The following CSNK2A2IP variants were observed in gnomAD, a reference collection of about 807,000 sequenced individuals.
The protein encoded by CSNK2A2IP is casein kinase 2 subunit alpha' interacting protein.
the CSNK2A2IP span, among the ~76,000 whole-genome samples, chr3:88,428,186 G>A: frequency 6.6e-6 from 1 of 152,130 alleles, no homozygotes; most frequent in African/African-American, 2.4e-5. Context: ...ACTTGCATGG[G>A]TCCTATAGCC....
the CSNK2A2IP span, among the ~76,000 whole-genome samples, chr3:88,394,140 T>G: frequency 4.6e-5 from 7 of 152,310 alleles, no homozygotes; most frequent in Admixed American, 3.9e-4. Context: ...AAACTGTGTA[T>G]AAAGACAAGT....
the CSNK2A2IP span, among the ~76,000 whole-genome samples, chr3:88,359,349 T>C: frequency 3.1e-5 from 2 of 63,660 alleles, no homozygotes; most frequent in African/African-American, 5.9e-5. Context: ...ATCTTTTGTA[T>C]TTTTTTGGTT....
chr3:88,439,812 T>TA, the CSNK2A2IP span, among the ~76,000 whole-genome samples: 5 of 151,962 alleles, frequency 3.3e-5, no homozygotes, highest in Non-Finnish European at 7.4e-5. Flanking sequence ...TTCAGTACTT[T>TA]AAAAAATTTT....
chr3:88,392,449 T>C, the CSNK2A2IP span, among the ~76,000 whole-genome samples: 7 of 152,046 alleles, frequency 4.6e-5, no homozygotes, highest in Non-Finnish European at 8.8e-5. Context: ...GAGAAATTCA[T>C]TGATGGAAAA....
chr3:88,418,061 CA>C, the CSNK2A2IP span, among the ~76,000 whole-genome samples: 1 of 152,026 alleles, frequency 6.6e-6, no homozygotes, highest in Non-Finnish European at 1.5e-5. Context: ...TATGTCTGAA[CA>C]TTATGAGGAA....
At chr3:88,407,479 G>A in the CSNK2A2IP span, among the ~76,000 whole-genome samples, 4 of 151,968 alleles carry the variant, frequency 2.6e-5, no homozygotes, top group Non-Finnish European at 5.9e-5. Context: ...GCTTCTTGGC[G>A]GCATATGTAG....
the CSNK2A2IP span, among the ~76,000 whole-genome samples, chr3:88,376,540 T>C: frequency 2.0e-5 from 3 of 151,976 alleles, no homozygotes; most frequent in East Asian, 5.8e-4. Context: ...CCATGTATTC[T>C]TATTTCATTA....
chr3:88,344,806 C>A, the CSNK2A2IP span, among the ~76,000 whole-genome samples: 607 of 151,914 alleles, frequency 4.0e-3, 1 homozygote, highest in Non-Finnish European at 5.6e-3. Flanking sequence ...TATTTAGTAC[C>A]TTAAACACCC....
chr3:88,464,989 A>T, the CSNK2A2IP span: 1 of 164,002 alleles, frequency 6.1e-6, no homozygotes, highest in Non-Finnish European at 1.3e-5. Context: ...CTGGAATTTG[A>T]CATAACACCT....
At chr3:88,404,207 T>G in the CSNK2A2IP span, among the ~76,000 whole-genome samples, 1 of 152,144 alleles carries the variant, frequency 6.6e-6, no homozygotes, top group South Asian at 2.1e-4. Flanking sequence ...AGGAAAGGTG[T>G]GGGGCTGCTA....
At chr3:88,419,109 C>T in the CSNK2A2IP span, among the ~76,000 whole-genome samples, 1 of 151,976 alleles carries the variant, frequency 6.6e-6, no homozygotes, top group African/African-American at 2.4e-5. Context: ...CTCAGGGCTC[C>T]CATGAGTCTA....
At chr3:88,442,756 C>G in the CSNK2A2IP span, among the ~76,000 whole-genome samples, 4 of 151,292 alleles carry the variant, frequency 2.6e-5, no homozygotes, top group African/African-American at 9.7e-5. Flanking sequence ...TCTAGCTAAT[C>G]TAGATTAAAA....
chr3:88,454,937 G>C, the CSNK2A2IP span, among the ~76,000 whole-genome samples: 1 of 151,742 alleles, frequency 6.6e-6, no homozygotes, highest in Non-Finnish European at 1.5e-5. Context: ...CTGTTACTGT[G>C]TGTTTGACCT....
At chr3:88,445,043 C>T in the CSNK2A2IP span, among the ~76,000 whole-genome samples, 1 of 151,922 alleles carries the variant, frequency 6.6e-6, no homozygotes, top group South Asian at 2.1e-4. Context: ...GGATAGTTCC[C>T]ATTTTCCTAT....
At chr3:88,394,377 A>G in the CSNK2A2IP span, among the ~76,000 whole-genome samples, 3 of 152,136 alleles carry the variant, frequency 2.0e-5, no homozygotes, top group African/African-American at 7.2e-5. Context: ...TTTCTAAAAA[A>G]TTTTTGTTTT....
the CSNK2A2IP span, among the ~76,000 whole-genome samples, chr3:88,407,408 AAAACAAT>A: frequency 6.6e-6 from 1 of 152,212 alleles, no homozygotes; most frequent in East Asian, 1.9e-4. Flanking sequence ...GGATTGATAC[AAAACAAT>A]ATTATGCTAG....
chr3:88,355,543 T>C, the CSNK2A2IP span, among the ~76,000 whole-genome samples: 1 of 152,208 alleles, frequency 6.6e-6, no homozygotes, highest in Admixed American at 6.6e-5. Flanking sequence ...CAGACTTCTG[T>C]ACATTTTCCC....
At chr3:88,403,769 T>C in the CSNK2A2IP span, among the ~76,000 whole-genome samples, 1 of 152,146 alleles carries the variant, frequency 6.6e-6, no homozygotes, top group Non-Finnish European at 1.5e-5. Flanking sequence ...ATATAAGAAC[T>C]GTAGGCAAAT....
the CSNK2A2IP span, among the ~76,000 whole-genome samples, chr3:88,424,367 A>G: frequency 6.6e-6 from 1 of 152,206 alleles, no homozygotes; most frequent in Admixed American, 6.5e-5. Context: ...TGTAGAAGGA[A>G]GCTAGTTTCA....
Sources: allele counts gnomAD v4.1 joint callset (sites outside exome capture counted in the v4.1 genomes callset), GRCh38; gene constraint gnomAD v4.1.1; transcripts MANE v1.5; gene names NCBI Gene and HGNC (gene_info 2026-07-23, HGNC 2026-07-21).